PPFIBP2: variants seen among roughly 807,000 people sequenced by gnomAD.
The protein encoded by PPFIBP2 is PPFIB scaffold protein 2.
A neutral mutation model predicts 118.3 loss-of-function variants in PPFIBP2; 118 were observed. The observed-to-expected ratio is 1.00, with a 90% CI of 0.86 to 1.16. PPFIBP2 has a LOEUF of 1.16. PPFIBP2 is among the 50% of genes most tolerant of loss of function. PPFIBP2 has a pLI of 0.00. For synonymous variants in PPFIBP2, 414 were observed against 397.4 expected, an observed-to-expected ratio of 1.04 and a Z score of -0.50; for missense variants, 1,195 against 1,073.1, an observed-to-expected ratio of 1.11 and a Z score of -1.59.
chr11:7,639,830 C>G lies in PPFIBP2; in HGVS notation c.1335C>G (p.Ile445Met). 1 of 1,614,216 alleles carries G rather than the reference C, an allele frequency of 6.2e-7. No individual in the cohort carries two copies. The highest frequency in any genetic ancestry group is 8.5e-7 in the Non-Finnish European group (1 of 1,180,038). The stretch of plus-strand genomic sequence containing the variant: ...AGGCTGCCAAATCTCCTCCCACCAT[C>G]TGCCAGCCTGACGCCACGGGGAGCA... ...NGEAAKSPPTICQPDATGSSL... is the reference protein window; with the variant it reads ...NGEAAKSPPTMCQPDATGSSL... Residue 445 changes from isoleucine to methionine, a missense_variant, in exon 15 of 24, where the codon ATC (isoleucine) becomes ATG (methionine). Ile to Met is a conservative substitution (Grantham distance 10). Coordinates refer to ENST00000299492, the MANE Select transcript of PPFIBP2 (RefSeq NM_003621.5).
At chr11:7,537,395 G>A (rs1327455883) in intron 1 of PPFIBP2, among the ~76,000 whole-genome samples, 1 of 152,236 alleles carries the variant, frequency 6.6e-6, no homozygotes, top group Admixed American at 6.5e-5. Flanking sequence ...TGAACTCCCA[G>A]AGCAGGTGGT....
At chr11:7,583,850 G>T (rs1435300058) in intron 3 of PPFIBP2, among the ~76,000 whole-genome samples, 2 of 152,210 alleles carry the variant, frequency 1.3e-5, no homozygotes, top group African/African-American at 4.8e-5. Context: ...GGTAGTGATT[G>T]TCATAGCTTC....
chr11:7,636,378 C>T (rs962568017), intron 14 of PPFIBP2, among the ~76,000 whole-genome samples: 13 of 151,122 alleles, frequency 8.6e-5, no homozygotes, highest in African/African-American at 2.7e-4. Context: ...CTTCTCTACT[C>T]TTCCATATTT....
At chr11:7,666,331 G>A in the PPFIBP2 span, 4 of 679,014 alleles carry the variant, frequency 5.9e-6, no homozygotes, top group South Asian at 5.7e-5. Context: ...CAGAGCCCCA[G>A]GCTTAACCCC....
intron 3 of PPFIBP2, among the ~76,000 whole-genome samples, chr11:7,592,931 G>A (rs927658868): frequency 2.0e-5 from 3 of 152,198 alleles, no homozygotes; most frequent in Admixed American, 6.5e-5. Flanking sequence ...AACTTCCAGG[G>A]CGCACTTTTC....
chr11:7,631,085 A>T (rs1032417404), intron 11 of PPFIBP2, 57 bp downstream of exon 11: 1 of 1,295,112 alleles, frequency 7.7e-7, no homozygotes, highest in African/African-American at 1.5e-5. Context: ...GCTTGCCCTG[A>T]GCTTGAGGGA....
At chr11:7,607,613 A>G (rs1002223395) in intron 5 of PPFIBP2, among the ~76,000 whole-genome samples, 26 of 151,896 alleles carry the variant, frequency 1.7e-4, no homozygotes, top group African/African-American at 6.3e-4. Context: ...ATTTAAAAAC[A>G]TATTTGTTGA....
At chr11:7,663,872 C>A in the PPFIBP2 span, among the ~76,000 whole-genome samples, 1 of 152,038 alleles carries the variant, frequency 6.6e-6, no homozygotes, top group Non-Finnish European at 1.5e-5. Flanking sequence ...TTAAGCCCGT[C>A]GGAAAAGCGC....
Position 7,648,509 on chromosome 11 carries a change from TG to T in PPFIBP2, c.1770del (p.Thr591GlnfsTer11). 6.2e-7 allele frequency: 1 copy of T among 1,614,122 alleles called. No homozygotes were observed. The highest frequency in any genetic ancestry group is 8.5e-7 in the Non-Finnish European group (1 of 1,180,028). On this transcript the variant is annotated frameshift_variant, in exon 18 of 24. Transcript: ENST00000299492. LOFTEE classifies it high-confidence loss of function. ...TGGGTATCTTCTGGCCACACCTTAT[TG>T]ACAGCCACCCCTCAGGACATGGAAA... is the stretch of plus-strand genomic sequence containing the variant. ...RQWVSSGHTL[L>X]TATPQDMEKE...
intron 1 of PPFIBP2, among the ~76,000 whole-genome samples, chr11:7,534,706 C>T (rs1851048496): frequency 6.6e-6 from 1 of 152,178 alleles, no homozygotes; most frequent in East Asian, 1.9e-4. Context: ...CACCCTTATC[C>T]ATTCACTGGG....
At position 7,610,635 on chromosome 11, in the gene PPFIBP2, G is replaced by T. The variant is rs142667877; in HGVS notation, c.618+213G>T. 2.6e-3 allele frequency: 1,356 copies of T among 518,240 alleles called. 3 individuals carry two copies. The highest frequency in any genetic ancestry group is 3.7e-3 in the Non-Finnish European group (1,140 of 304,450). The allele number at this position is 518,240 out of a possible 1,614,324, so 32.1% of individuals were successfully genotyped here. A position where few individuals can be genotyped will look rare whatever the true frequency, so the allele number is the denominator to read the frequency against. On this transcript the variant is annotated intron_variant, in intron 6 of 23. Transcript: ENST00000299492. The stretch of plus-strand genomic sequence containing the variant: ...CAAACCAGCCAGTTTTGGCTCTAAG[G>T]CTTTATCTGCCCTCAAACTGCTGAC...
At chr11:7,566,236 T>C (rs192299632) in intron 3 of PPFIBP2, among the ~76,000 whole-genome samples, 186 of 152,362 alleles carry the variant, frequency 1.2e-3, no homozygotes, top group African/African-American at 4.3e-3. Context: ...TGCATTTCTT[T>C]GGTAAAAAGG....
At chr11:7,628,409 C>A (rs6578886) in intron 9 of PPFIBP2, 63 bp downstream of exon 9, 16 of 1,460,022 alleles carry the variant, frequency 1.1e-5, no homozygotes, top group East Asian at 4.5e-5. Flanking sequence ...TGTTTGGTCC[C>A]TGCTGGTCTC....
intron 1 of PPFIBP2, among the ~76,000 whole-genome samples, chr11:7,522,236 G>C (rs970366789): frequency 1.3e-5 from 2 of 152,158 alleles, no homozygotes; most frequent in Admixed American, 6.5e-5. Flanking sequence ...GGCAGGATTT[G>C]GTGACTGATT....
chr11:7,662,340 C>G, the PPFIBP2 span, among the ~76,000 whole-genome samples: 1 of 152,238 alleles, frequency 6.6e-6, no homozygotes, highest in East Asian at 1.9e-4. Flanking sequence ...TAGGGCAGGC[C>G]TAGTGGTGAC....
intron 3 of PPFIBP2, among the ~76,000 whole-genome samples, chr11:7,588,350 C>T (rs1228522422): frequency 6.6e-6 from 1 of 152,218 alleles, no homozygotes; most frequent in Non-Finnish European, 1.5e-5. Flanking sequence ...TGTCCTCTCC[C>T]TGCTGAGGCT....
chr11:7,545,887 C>T lies in PPFIBP2; in HGVS notation c.-36-3553C>T, dbSNP rs533032461. ...CTTTCAGCCCCACTCCCAATCCTCC[C>T]GACTCCTACCTTGGGGAGGAGAGTG... On this transcript the variant is annotated intron_variant, in intron 1 of 23. Coordinates refer to ENST00000299492, the MANE Select transcript of PPFIBP2 (RefSeq NM_003621.5). 2.6e-5 allele frequency among the ~76,000 whole-genome samples: 4 copies of T among 152,268 alleles called. No homozygotes were observed. The East Asian group carries it at 5.8e-4, about 22-fold the overall frequency.
At chr11:7,542,633 C>A (rs1471547535) in intron 1 of PPFIBP2, among the ~76,000 whole-genome samples, 1 of 152,150 alleles carries the variant, frequency 6.6e-6, no homozygotes, top group Non-Finnish European at 1.5e-5. Context: ...TTGAATTAAA[C>A]AAAGTCTTCA....
At chr11:7,636,028 C>A (rs4372441) in intron 14 of PPFIBP2, among the ~76,000 whole-genome samples, 1 of 151,976 alleles carries the variant, frequency 6.6e-6, no homozygotes, top group Non-Finnish European at 1.5e-5. Context: ...TAGGACTGAT[C>A]TTCTCCAGGG....
Sources: gnomAD v4.1 joint callset for allele counts (sites outside exome capture counted in the v4.1 genomes callset) on GRCh38, gnomAD v4.1.1 for gene constraint, MANE v1.5 for transcripts, NCBI Gene and HGNC (gene_info 2026-07-23, HGNC 2026-07-21) for gene names.